Variants in APAF1 observed in about 807,000 individuals in gnomAD.
APAF1 encodes apoptotic protease-activating factor 1.
APAF1 carries 91 observed loss-of-function variants against 152.4 expected under a neutral mutation model. The ratio of observed to expected loss-of-function variants is 0.60; its 90% CI spans 0.50 to 0.71. APAF1 has a LOEUF of 0.71. Ranked by LOEUF, APAF1 falls within the 30% of genes least tolerant of loss-of-function variation. The pLI is 0.00. For synonymous variants in APAF1, 484 were observed against 494.1 expected, an observed-to-expected ratio of 0.98 and a Z score of 0.27; for missense variants, 1,283 against 1,472.0, an observed-to-expected ratio of 0.87 and a Z score of 2.10.
At chr12:98,698,418 G>C (rs2097711939) in intron 16 of APAF1, among the ~76,000 whole-genome samples, 1 of 152,214 alleles carries the variant, frequency 6.6e-6, no homozygotes, top group African/African-American at 2.4e-5. Context: ...GAAGGTTCAG[G>C]CTTTTATGTT....
At position 98,665,751 on chromosome 12, in the gene APAF1, A is replaced by T; in HGVS notation, c.1154A>T (p.Asp385Val). Residue 385 changes from aspartate to valine, a missense_variant, in exon 8 of 27, where the codon GAT becomes GTT. By Grantham distance (152) the Asp-to-Val change is radical. Transcript: ENST00000551964. ...LREDIKDYYT[D>V]LSILQKDVKV... ...GAAGACATCAAAGATTATTACACAG[A>T]TCTTTCCATCCTTCAGAAGGACGTT... 6.2e-7 allele frequency: 1 copy of T among 1,614,116 alleles called. No homozygotes were observed. The highest frequency in any genetic ancestry group is 8.5e-7 in the Non-Finnish European group (1 of 1,179,966).
intron 9 of APAF1, among the ~76,000 whole-genome samples, chr12:98,666,788 G>T (rs2097673358): frequency 6.6e-6 from 1 of 151,996 alleles, no homozygotes; most frequent in Non-Finnish European, 1.5e-5. Flanking sequence ...TAGATATTTG[G>T]CAAGAATACC....
intron 4 of APAF1, among the ~76,000 whole-genome samples, chr12:98,652,416 G>A (rs10082736): frequency 0.9 from 137,144 of 152,210 alleles, 61,859 homozygotes; most frequent in African/African-American, 0.94. Flanking sequence ...ATAAAGTTGT[G>A]TCTTTTACTT....
chr12:98,704,029 C>G (rs2097718652), intron 18 of APAF1, among the ~76,000 whole-genome samples: 1 of 152,142 alleles, frequency 6.6e-6, no homozygotes, highest in African/African-American at 2.4e-5. Flanking sequence ...AGAATGTATA[C>G]CTAGCTGGCC....
chr12:98,724,674 T>G (rs1716343208), intron 24 of APAF1, among the ~76,000 whole-genome samples: 1 of 152,250 alleles, frequency 6.6e-6, no homozygotes, highest in African/African-American at 2.4e-5. Flanking sequence ...GTGTTTCTAT[T>G]ACATTTTATT....
At chr12:98,712,106 G>A (rs2097728484) in intron 20 of APAF1, among the ~76,000 whole-genome samples, 1 of 152,188 alleles carries the variant, frequency 6.6e-6, no homozygotes. Context: ...TTTATTTTAT[G>A]AAAATGTATT....
chr12:98,686,205 A>C (rs953633176), intron 15 of APAF1, among the ~76,000 whole-genome samples: 2 of 152,082 alleles, frequency 1.3e-5, no homozygotes, highest in Middle Eastern at 3.2e-3. Context: ...AGTCTCTTTT[A>C]TTCTATTAAA....
At chr12:98,680,528 G>T (rs938125448) in intron 14 of APAF1, 126 bp downstream of exon 14, 1 of 948,584 alleles carries the variant, frequency 1.1e-6, no homozygotes, top group South Asian at 1.5e-5. Flanking sequence ...CTGATTCATT[G>T]TAAATTAACA....
chr12:98,686,349 AT>A (rs1446532820), intron 15 of APAF1, among the ~76,000 whole-genome samples: 1 of 152,182 alleles, frequency 6.6e-6, no homozygotes, highest in African/African-American at 2.4e-5. Flanking sequence ...TTGCTCCACC[AT>A]TTTTAGGGTT....
intron 22 of APAF1, among the ~76,000 whole-genome samples, chr12:98,717,041 A>ATT (rs1017474181): frequency 2.0e-5 from 3 of 150,064 alleles, no homozygotes; most frequent in African/African-American, 7.4e-5. Flanking sequence ...AATTTTTTGT[A>ATT]TTTTTTTTAG....
chr12:98,651,563 ACT>A (rs1484257336), intron 4 of APAF1, among the ~76,000 whole-genome samples: 1 of 152,190 alleles, frequency 6.6e-6, no homozygotes, highest in Non-Finnish European at 1.5e-5. Context: ...ATTGTATCCA[ACT>A]CTCTGCTGCT....
chr12:98,723,617 G>A, intron 23 of APAF1, 22 bp from the exon 24 acceptor site: 1 of 1,381,990 alleles, frequency 7.2e-7, no homozygotes. Flanking sequence ...CAACCTCCAA[G>A]TGTTTTTTTT....
intron 4 of APAF1, among the ~76,000 whole-genome samples, chr12:98,655,771 C>T (rs2097656555): frequency 6.6e-6 from 1 of 151,418 alleles, no homozygotes; most frequent in Non-Finnish European, 1.5e-5. Flanking sequence ...CAGCACGTTG[C>T]CTGGCCAAAA....
chr12:98,659,786 A>G (rs2097662675), intron 5 of APAF1, among the ~76,000 whole-genome samples: 1 of 151,532 alleles, frequency 6.6e-6, no homozygotes, highest in South Asian at 2.1e-4. Context: ...AGAGAAAGAA[A>G]GAAAGAACCA....
chr12:98,672,310 G>A (rs1268963874), intron 12 of APAF1, among the ~76,000 whole-genome samples: 1 of 151,802 alleles, frequency 6.6e-6, no homozygotes, highest in Non-Finnish European at 1.5e-5. Flanking sequence ...GATTATAGGC[G>A]CCCACCACCA....
At chr12:98,649,161 A>G in intron 3 of APAF1, 3 of 908,078 alleles carry the variant, frequency 3.3e-6, no homozygotes, top group Non-Finnish European at 4.0e-6. Flanking sequence ...CTTGAAAGGT[A>G]TTCCATAAAT....
chr12:98,678,649 A>T (rs548328611), intron 13 of APAF1, among the ~76,000 whole-genome samples: 2 of 152,116 alleles, frequency 1.3e-5, no homozygotes, highest in Admixed American at 1.3e-4. Flanking sequence ...GCATCCCTGT[A>T]CTCTTGGGGG....
At chr12:98,720,184 C>T (rs929766764) in intron 22 of APAF1, among the ~76,000 whole-genome samples, 2 of 152,116 alleles carry the variant, frequency 1.3e-5, no homozygotes, top group Admixed American at 6.5e-5. Context: ...ACCAGCTTGA[C>T]GATTTCAGGT....
intron 16 of APAF1, among the ~76,000 whole-genome samples, chr12:98,689,302 C>T (rs747315377): frequency 1.3e-5 from 2 of 152,008 alleles, no homozygotes; most frequent in Admixed American, 6.6e-5. Flanking sequence ...AGCTACTGTC[C>T]CTGTATGTGT....
Sources: gnomAD v4.1 joint callset for allele counts (sites outside exome capture counted in the v4.1 genomes callset) on GRCh38, gnomAD v4.1.1 for gene constraint, MANE v1.5 for transcripts, NCBI Gene and HGNC (gene_info 2026-07-23, HGNC 2026-07-21) for gene names.